Variants in MAP3K4 observed in about 807,000 individuals in gnomAD.
MAP3K4 encodes MAP three kinase 1.
MAP3K4 carries 67 observed loss-of-function variants against 185.6 expected under a neutral mutation model. The ratio of observed to expected loss-of-function variants is 0.36; its 90% confidence interval spans 0.30 to 0.44. MAP3K4 has a LOEUF of 0.44. MAP3K4 is among the 20% of genes least tolerant of loss of function. The probability of loss-of-function intolerance (pLI) is 1.00; values close to 1 mark genes in which losing one functional copy is unlikely to be tolerated. For synonymous variants in MAP3K4, 702 were observed against 710.4 expected (o/e 0.99, Z 0.19); for missense variants, 1,551 against 1,995.1 (o/e 0.78, Z 4.24).
rs1025410200 is a variant in MAP3K4, at chr6:161,108,133, A to T, written c.4119+164A>T. On this transcript the variant is annotated intron_variant, in intron 21 of 26. Transcript: ENST00000392142. The surrounding 1 kb of genome is among the most constrained non-coding windows in gnomAD (Gnocchi z 5.7). Reference sequence around the variant, plus strand: ...AGGCAGATGCACTGAGATAACACACACAGACAGTGAAGGGGCTTACGATTC... The same window carrying T: ...AGGCAGATGCACTGAGATAACACACTCAGACAGTGAAGGGGCTTACGATTC... 1.3e-5 allele frequency among the ~76,000 whole-genome samples: 2 copies of T among 152,236 alleles called. No homozygotes were observed. The highest frequency in any genetic ancestry group is 4.8e-5 in the African/African-American group (2 of 41,468).
In MAP3K4 at chr6:161,109,578, A is replaced by G. The variant is rs540234717; in HGVS notation, c.4237-177A>G. Among the ~76,000 whole-genome samples the G allele has an allele frequency of 9.2e-5, 14 of 152,296 alleles. No homozygotes were observed. Among genetic ancestry groups the G allele is most frequent in the Admixed American group, 5.2e-4 (8 of 15,312 alleles). On this transcript the variant is annotated intron_variant, in intron 22 of 26. Coordinates refer to ENST00000392142, the MANE Select transcript of MAP3K4 (RefSeq NM_005922.4). The surrounding 1 kb of genome is among the most constrained non-coding windows in gnomAD (Gnocchi z 5.7). ...ACAGAGGAGGCAGGCAGACACCTCTATAGAGGACTTAGAAACGACTGTTGT... is the reference window on the plus strand; with the variant it reads ...ACAGAGGAGGCAGGCAGACACCTCTGTAGAGGACTTAGAAACGACTGTTGT...
At chr6:161,014,273 T>C (rs1781979943) in intron 1 of MAP3K4, among the ~76,000 whole-genome samples, 1 of 152,160 alleles carries the variant, frequency 6.6e-6, no homozygotes, top group Non-Finnish European at 1.5e-5. Context: ...CCACTGGGTA[T>C]TATATCTTAT....
intron 1 of MAP3K4, chr6:160,992,340 C>CT (rs1780762876): frequency 3.9e-6 from 2 of 511,208 alleles, no homozygotes; most frequent in East Asian, 7.2e-5. Flanking sequence ...CCCTTGTAGA[C>CT]TCCCCCAGCT....
chr6:161,057,030 AT>A (rs1198134307), intron 3 of MAP3K4, among the ~76,000 whole-genome samples: 61 of 152,328 alleles, frequency 4.0e-4, no homozygotes, highest in Middle Eastern at 3.4e-3. Flanking sequence ...TTGTAATGTA[AT>A]GTACAAAATG....
rs1023936144 is a variant in MAP3K4, at chr6:161,007,173, T to C, written c.152+15090T>C. Reference sequence around the variant, plus strand: ...GCACAGGGGAACCCAGAGGTCTTGTTACTTGGGTGGAGTCAACAGGGATCT... The same window carrying C: ...GCACAGGGGAACCCAGAGGTCTTGTCACTTGGGTGGAGTCAACAGGGATCT... On this transcript the variant is annotated intron_variant, in intron 1 of 26. Transcript: ENST00000392142. This position sits in a 1 kb window ranked among gnomAD's most constrained non-coding sequence, Gnocchi z 4.5. 6.6e-6 allele frequency among the ~76,000 whole-genome samples: 1 copy of C among 152,160 alleles called. No homozygotes were observed. The highest frequency in any genetic ancestry group is 1.5e-5 in the Non-Finnish European group (1 of 68,014).
chr6:161,030,525 G>A (rs118033178), intron 1 of MAP3K4, among the ~76,000 whole-genome samples: 5,846 of 151,818 alleles, frequency 0.039, 150 homozygotes, highest in South Asian at 0.072. Flanking sequence ...TGATCCTCTC[G>A]CCTCCGTCTC....
At chr6:161,039,291 A>C (rs1783330619) in intron 2 of MAP3K4, among the ~76,000 whole-genome samples, 3 of 151,848 alleles carry the variant, frequency 2.0e-5, no homozygotes, top group African/African-American at 4.8e-5. Context: ...AAAAAAAAAA[A>C]AAAAAAAAAC....
At chr6:161,102,517 GTTGGTGCAAT>G (rs1220210405) in intron 18 of MAP3K4, among the ~76,000 whole-genome samples, 172 bp from the exon 19 acceptor site, 3 of 152,136 alleles carry the variant, frequency 2.0e-5, no homozygotes, top group African/African-American at 7.2e-5. Context: ...TAACTTCTTA[GTTGGTGCAAT>G]TTTTAGAATT....
Position 161,067,469 on chromosome 6 carries a change from C to A in MAP3K4, c.1708-3139C>A, listed in dbSNP as rs1784761618. ...GGGGCTCCAAGATTTGTTTTCCTTT[C>A]ACAACCCTGACCACATTTATTACAA... is the stretch of plus-strand genomic sequence containing the variant. On this transcript the variant is annotated intron_variant, in intron 3 of 26. Transcript: ENST00000392142. This position sits in a 1 kb window ranked among gnomAD's most constrained non-coding sequence, Gnocchi z 6.3. Among the ~76,000 whole-genome samples the A allele has an allele frequency of 6.6e-6, 1 of 152,200 alleles. No homozygotes were observed. Among genetic ancestry groups the A allele is most frequent in the Admixed American group, 6.5e-5 (1 of 15,282 alleles).
Position 161,034,828 on chromosome 6 carries a change from G to A in MAP3K4, c.343+379G>A, listed in dbSNP as rs887240582. 1.3e-5 allele frequency among the ~76,000 whole-genome samples: 2 copies of A among 152,114 alleles called. No individual in the cohort carries two copies. Among genetic ancestry groups the A allele is most frequent in the African/African-American group, 4.8e-5 (2 of 41,430 alleles). The stretch of plus-strand genomic sequence containing the variant: ...CCCAGAAGTGGTGTATTGGGGATTT[G>A]AGGAGAGACAGAGCCAGGCTGTCTT... On this transcript the variant is annotated intron_variant, in intron 2 of 26. Coordinates refer to ENST00000392142, the MANE Select transcript of MAP3K4 (RefSeq NM_005922.4). The surrounding 1 kb of genome is among the most constrained non-coding windows in gnomAD (Gnocchi z 4.4).
chr6:161,088,962 TC>T lies in MAP3K4; in HGVS notation c.2824-358del, dbSNP rs1785877862. The stretch of plus-strand genomic sequence containing the variant: ...GCCCCTCATCTTATTTCTGTCTTAT[TC>T]CTACATTTTCCTTCTTCATATGCTG... On this transcript the variant is annotated intron_variant, in intron 10 of 26. Coordinates refer to ENST00000392142, the MANE Select transcript of MAP3K4 (RefSeq NM_005922.4). The surrounding 1 kb of genome is among the most constrained non-coding windows in gnomAD (Gnocchi z 4.5). Among the ~76,000 whole-genome samples the T allele has an allele frequency of 6.6e-6, 1 of 152,184 alleles. No individual in the cohort carries two copies. The highest frequency in any genetic ancestry group is 1.9e-4 in the East Asian group (1 of 5,202).
At position 161,054,038 on chromosome 6, in the gene MAP3K4, T is replaced by G. The variant is rs1319504587; in HGVS notation, c.1707+4059T>G. ...TTTTGTAGAAAAGAAGAAATACACGTGATGTTTGATTTTTCTTATCTATGT... is the reference window on the plus strand; with the variant it reads ...TTTTGTAGAAAAGAAGAAATACACGGGATGTTTGATTTTTCTTATCTATGT... On this transcript the variant is annotated intron_variant, in intron 3 of 26. Transcript: ENST00000392142. The surrounding 1 kb of genome is among the most constrained non-coding windows in gnomAD (Gnocchi z 4.2). Among the ~76,000 whole-genome samples the G allele has an allele frequency of 6.6e-6, 1 of 152,228 alleles. No homozygotes were observed. The highest frequency in any genetic ancestry group is 1.9e-4 in the East Asian group (1 of 5,202).
Position 161,116,845 on chromosome 6 carries a change from C to T in MAP3K4, c.4807-5C>T. On this transcript the variant is annotated splice_region_variant and splice_polypyrimidine_tract_variant and intron_variant, in intron 26 of 26. Coordinates refer to ENST00000392142, the MANE Select transcript of MAP3K4 (RefSeq NM_005922.4). This position sits in a 1 kb window ranked among gnomAD's most constrained non-coding sequence, Gnocchi z 6.2. Reference sequence around the variant, plus strand: ...AGAGCTCAGCTCTCTCCTGCTTCCTCACAGGTTTGCACAGATGAAGAATGA... The same window carrying T: ...AGAGCTCAGCTCTCTCCTGCTTCCTTACAGGTTTGCACAGATGAAGAATGA... The T allele has an allele frequency of 6.2e-7, 1 of 1,614,112 alleles. No individual in the cohort carries two copies. Among genetic ancestry groups the T allele is most frequent in the South Asian group, 1.1e-5 (1 of 91,086 alleles).
rs1785028037 is a variant in MAP3K4 at position 161,073,260 on chromosome 6, T to C, written c.1951-206T>C. ...TATCCATGCTGTAGTATTAAATTCTTTTATTTTCACTGTTTTGTTGCTTCT... is the reference window on the plus strand; with the variant it reads ...TATCCATGCTGTAGTATTAAATTCTCTTATTTTCACTGTTTTGTTGCTTCT... On this transcript the variant is annotated intron_variant, in intron 4 of 26. Coordinates refer to ENST00000392142, the MANE Select transcript of MAP3K4 (RefSeq NM_005922.4). The surrounding 1 kb of genome is among the most constrained non-coding windows in gnomAD (Gnocchi z 4.2). The C allele has an allele frequency of 2.4e-6, 1 of 408,686 alleles. No individual in the cohort carries two copies. 25.3% of individuals were successfully genotyped at this position (408,686 alleles called of 1,614,324 possible).
chr6:161,041,052 G>A (rs1783426539), intron 2 of MAP3K4, among the ~76,000 whole-genome samples: 1 of 152,228 alleles, frequency 6.6e-6, no homozygotes, highest in Non-Finnish European at 1.5e-5. Context: ...AAGCAGCCAT[G>A]TCCAGAGTGT....
Position 161,088,498 on chromosome 6 carries a change from C to T in MAP3K4, c.2823+544C>T, listed in dbSNP as rs1222387683. On this transcript the variant is annotated intron_variant, in intron 10 of 26. Transcript: ENST00000392142. This position sits in a 1 kb window ranked among gnomAD's most constrained non-coding sequence, Gnocchi z 4.5. ...CTCAGCCTCACCAGAACTGAGTATA[C>T]ACTGGCCTGCTGTATCCCTCACCCC... 6.6e-6 allele frequency among the ~76,000 whole-genome samples: 1 copy of T among 152,180 alleles called. No individual in the cohort carries two copies. The highest frequency in any genetic ancestry group is 1.9e-4 in the East Asian group (1 of 5,198).
Position 161,091,609 on chromosome 6 carries a change from G to A in MAP3K4, c.3135+69G>A. 7.1e-7 allele frequency: 1 copy of A among 1,404,982 alleles called. No individual in the cohort carries two copies. Among genetic ancestry groups the A allele is most frequent in the Non-Finnish European group, 9.8e-7 (1 of 1,016,706 alleles). The allele number at this position is 1,404,982 out of a possible 1,614,324, so 87.0% of individuals were successfully genotyped here. ...CTTGATAACTTACAGAAAGTTTTTG[G>A]AACCTTTTACAGTAAATCTGATATT... On this transcript the variant is annotated intron_variant, in intron 12 of 26. Coordinates refer to ENST00000392142, the MANE Select transcript of MAP3K4 (RefSeq NM_005922.4). The surrounding 1 kb of genome is among the most constrained non-coding windows in gnomAD (Gnocchi z 5.5).
At chr6:160,998,120 C>T (rs895164742) in intron 1 of MAP3K4, among the ~76,000 whole-genome samples, 1 of 152,176 alleles carries the variant, frequency 6.6e-6, no homozygotes, top group Non-Finnish European at 1.5e-5. Context: ...AATTCTTTTG[C>T]CTTGGCCTCC....
intron 18 of MAP3K4, 41 bp from the exon 19 acceptor site, chr6:161,102,655 TTTA>T (rs1777885895): frequency 4.6e-6 from 6 of 1,308,586 alleles, no homozygotes; most frequent in Non-Finnish European, 6.3e-6. Flanking sequence ...AATAAGCATA[TTTA>T]TTTCATAAAT....
Sources: allele counts gnomAD v4.1 joint callset (sites outside exome capture counted in the v4.1 genomes callset), GRCh38; gene constraint gnomAD v4.1.1; non-coding constraint Gnocchi (gnomAD v3.1); transcripts MANE v1.5; gene names NCBI Gene and HGNC (gene_info 2026-07-23, HGNC 2026-07-21).